OMD: variants seen among roughly 807,000 people sequenced by gnomAD.
OMD encodes KSPG osteomodulin.
OMD carries 19 observed loss-of-function variants against 31.2 expected under a neutral mutation model. The observed-to-expected ratio is 0.61, with a 90% CI of 0.42 to 0.89. OMD has a LOEUF of 0.89. Among genes scored for constraint, OMD ranks in the 40% least tolerant of loss-of-function variants. OMD has a pLI of 0.00. For missense variants in OMD, 448 were observed against 490.8 expected, an observed-to-expected ratio of 0.91 and a Z score of 0.82; for synonymous variants, 155 against 166.4, an observed-to-expected ratio of 0.93 and a Z score of 0.53.
chr9:92,420,699 A>G (rs531151884), intron 1 of OMD, among the ~76,000 whole-genome samples: 9 of 151,608 alleles, frequency 5.9e-5, no homozygotes, highest in Non-Finnish European at 1.3e-4. Flanking sequence ...CTATTTTCTT[A>G]TATGTATCCC....
chr9:92,417,331 C>T lies in OMD; in HGVS notation c.228G>A (p.Met76Ile). 1.2e-6 allele frequency: 2 copies of T among 1,614,014 alleles called. No individual in the cohort carries two copies. Among genetic ancestry groups the T allele is most frequent in the Non-Finnish European group, 1.7e-6 (2 of 1,179,944 alleles). The change falls in exon 2 of 3, where the codon ATG becomes ATA. Residue 76 changes from methionine to isoleucine, a missense_variant. Met to Ile is a conservative substitution (Grantham distance 10). Transcript: ENST00000375550. The stretch of plus-strand genomic sequence containing the variant: ...TCTTGAGTTTGCGATTATCACAGTA[C>T]ATTGATGATGGAAAGTTAGTTGGAC... ...CFCPTNFPSS[M>I]YCDNRKLKTI...
At position 92,420,825 on chromosome 9, in the gene OMD, A is replaced by ATCCG. The variant is rs1273348493; in HGVS notation, c.-16-3252_-16-3251insCGGA. 9.8e-3 allele frequency among the ~76,000 whole-genome samples: 1,485 copies of ATCCG among 151,632 alleles called. 13 individuals carry two copies. The highest frequency in any genetic ancestry group is 0.017 in the Non-Finnish European group (1,126 of 67,890). The stretch of plus-strand genomic sequence containing the variant: ...CTTTGTGCAACTCTATATTACATCC[A>ATCCG]TTTTTCTTTCTTTTCTGTGAGATTC... On this transcript the variant is annotated intron_variant, in intron 1 of 2. Transcript: ENST00000375550.
rs374680906 is a variant in OMD at position 92,416,995 on chromosome 9, C to G, written c.564G>C (p.Leu188Phe). 1.4e-5 allele frequency: 22 copies of G among 1,613,940 alleles called. No individual in the cohort carries two copies. The East Asian group carries it at 4.7e-4, about 34-fold the overall frequency. Reference protein sequence around the residue: ...QTNAMDGLVNLTMLDLCYNYL... With the variant: ...QTNAMDGLVNFTMLDLCYNYL... Reference sequence around the variant, plus strand: ...AATTATAACAGAGATCAAGCATGGTCAAGTTTACTAGCCCATCCATAGCAT... The same window carrying G: ...AATTATAACAGAGATCAAGCATGGTGAAGTTTACTAGCCCATCCATAGCAT... Residue 188 changes from leucine to phenylalanine, a missense_variant, in exon 2 of 3, where the codon TTG becomes TTC. Coordinates refer to ENST00000375550, the MANE Select transcript of OMD (RefSeq NM_005014.3).
chr9:92,420,382 A>G (rs1255047899), intron 1 of OMD, among the ~76,000 whole-genome samples: 3 of 152,076 alleles, frequency 2.0e-5, no homozygotes, highest in African/African-American at 7.2e-5. Context: ...GGCTCCTTCA[A>G]TCTGCCAAAC....
chr9:92,415,414 A>C lies in OMD; in HGVS notation c.1004T>G (p.Ile335Ser), dbSNP rs780663138. 6.2e-7 allele frequency: 1 copy of C among 1,613,646 alleles called. No individual in the cohort carries two copies. ...TTTTAGTTTATTTTGGTCCACACGA[A>C]TGTATGTTAAATGGTGGTAATGTAG... is the stretch of plus-strand genomic sequence containing the variant. ...DPLHYHHLTY[I>S]RVDQNKLKEP... The change falls in exon 3 of 3, where the codon ATT (isoleucine) becomes AGT (serine). Residue 335 changes from isoleucine (I) to serine (S), a missense_variant. Physicochemically the swap from Ile to Ser is moderately radical, Grantham distance 142. Transcript: ENST00000375550.
chr9:92,413,514 G>C lies in OMD; in HGVS notation c.*1638C>G, dbSNP rs1248589170. On this transcript the variant is annotated 3_prime_UTR_variant, in exon 3 of 3. Transcript: ENST00000375550. ...TTTAAATTGCTCTAGGTTAGGAATT[G>C]TCTTATCTTTGTTTTCTAAAACACC... Among the ~76,000 whole-genome samples, 1 of 152,094 alleles carries C rather than the reference G, an allele frequency of 6.6e-6. No individual in the cohort carries two copies. Among genetic ancestry groups the C allele is most frequent in the Non-Finnish European group, 1.5e-5 (1 of 68,008 alleles).
chr9:92,415,393 A>G lies in OMD; in HGVS notation c.1025T>C (p.Leu342Pro). 6.2e-7 allele frequency: 1 copy of G among 1,613,584 alleles called. No homozygotes were observed. Among genetic ancestry groups the G allele is most frequent in the Admixed American group, 1.7e-5 (1 of 59,986 alleles). The change falls in exon 3 of 3, where the codon CTA (leucine) becomes CCA (proline). Residue 342 changes from leucine (L) to proline (P), a missense_variant. Leu to Pro is a moderately conservative substitution (Grantham distance 98). Transcript: ENST00000375550. The part of the protein sequence containing the change: ...LTYIRVDQNK[L>P]KEPISSYIFF... ...GATGTATGAGCTTATTGGTTCTTTTAGTTTATTTTGGTCCACACGAATGTA... is the reference window on the plus strand; with the variant it reads ...GATGTATGAGCTTATTGGTTCTTTTGGTTTATTTTGGTCCACACGAATGTA...
rs1843512431 is a variant in OMD, at chr9:92,413,897, T to C, written c.*1255A>G. ...TAAAGACTTCACTTTAAACTGGTATTTCCAGAAAAAAAGACTTGCAAGCTT... is the reference window on the plus strand; with the variant it reads ...TAAAGACTTCACTTTAAACTGGTATCTCCAGAAAAAAAGACTTGCAAGCTT... On this transcript the variant is annotated 3_prime_UTR_variant, in exon 3 of 3. Transcript: ENST00000375550. Among the ~76,000 whole-genome samples, 1 of 152,196 alleles carries C rather than the reference T, an allele frequency of 6.6e-6. No individual in the cohort carries two copies. The highest frequency in any genetic ancestry group is 1.5e-5 in the Non-Finnish European group (1 of 68,032).
chr9:92,422,046 C>G (rs1843816099), intron 1 of OMD, among the ~76,000 whole-genome samples: 1 of 151,520 alleles, frequency 6.6e-6, no homozygotes, highest in Non-Finnish European at 1.5e-5. Context: ...TATAGTATAA[C>G]ATATTAACTT....
Position 92,415,106 on chromosome 9 carries a change from G to A in OMD, c.*46C>T. On this transcript the variant is annotated 3_prime_UTR_variant, in exon 3 of 3. Transcript: ENST00000375550. Reference sequence around the variant, plus strand: ...TGTTTACTTAGATTTACTATATTAAGTATAGGTTTTGTGAAGTCGTAAGTG... The same window carrying A: ...TGTTTACTTAGATTTACTATATTAAATATAGGTTTTGTGAAGTCGTAAGTG... 2 of 1,362,428 alleles carry A rather than the reference G, an allele frequency of 1.5e-6. No homozygotes were observed. Among genetic ancestry groups the A allele is most frequent in the African/African-American group, 1.5e-5 (1 of 68,604 alleles). The allele number at this position is 1,362,428 out of a possible 1,614,324, so 84.4% of individuals were successfully genotyped here. A position where few individuals can be genotyped will look rare whatever the true frequency, so the allele number is the denominator to read the frequency against.
chr9:92,414,521 A>T lies in OMD; in HGVS notation c.*631T>A, dbSNP rs1843530482. 1 of 209,700 alleles carries T rather than the reference A, an allele frequency of 4.8e-6. No homozygotes were observed. The highest frequency in any genetic ancestry group is 2.3e-5 in the African/African-American group (1 of 44,022). 13.0% of individuals were successfully genotyped at this position (209,700 alleles called of 1,614,324 possible). A position where few individuals can be genotyped will look rare whatever the true frequency, so the allele number is the denominator to read the frequency against. On this transcript the variant is annotated 3_prime_UTR_variant, in exon 3 of 3. Coordinates refer to ENST00000375550, the MANE Select transcript of OMD (RefSeq NM_005014.3). ...GTTGTTTTGGTATTCTGAGGCAAAA[A>T]GATTAGTTAATTTTGTGAATCTGTA...
chr9:92,420,303 C>A (rs1026498365), intron 1 of OMD, among the ~76,000 whole-genome samples: 1 of 152,156 alleles, frequency 6.6e-6, no homozygotes, highest in African/African-American at 2.4e-5. Context: ...ATTGTCAGTT[C>A]CTTCTTACCA....
rs1402478250 is a variant in OMD, at chr9:92,414,935, G to A, written c.*217C>T. The stretch of plus-strand genomic sequence containing the variant: ...AACGTTTAATTTATGATTCCCACTT[G>A]TCATTCTAATTTATATTTTTAAAGA... On this transcript the variant is annotated 3_prime_UTR_variant, in exon 3 of 3. Transcript: ENST00000375550. 2 of 349,586 alleles carry A rather than the reference G, an allele frequency of 5.7e-6. No homozygotes were observed. The highest frequency in any genetic ancestry group is 1.0e-5 in the Non-Finnish European group (2 of 196,700). The allele number at this position is 349,586 out of a possible 1,614,324, so 21.7% of individuals were successfully genotyped here.
chr9:92,416,084 T>A (rs937344736), intron 2 of OMD, among the ~76,000 whole-genome samples: 3,987 of 136,626 alleles, frequency 0.029, 107 homozygotes, highest in South Asian at 0.089. Context: ...ATTTATTTAT[T>A]TATTTATTTA....
intron 1 of OMD, among the ~76,000 whole-genome samples, chr9:92,420,012 G>A (rs1291528205): frequency 6.6e-6 from 1 of 152,022 alleles, no homozygotes; most frequent in Non-Finnish European, 1.5e-5. Flanking sequence ...TGTGTATTTG[G>A]AATTTGAAGT....
At position 92,413,840 on chromosome 9, in the gene OMD, T is replaced by A. The variant is rs1319362586; in HGVS notation, c.*1312A>T. On this transcript the variant is annotated 3_prime_UTR_variant, in exon 3 of 3. Transcript: ENST00000375550. ...CAGGTGGGCGTTCTGGTTCTGATAA[T>A]GCTAATAATTCCTCAAAGATGTAAA... is the stretch of plus-strand genomic sequence containing the variant. 6.6e-6 allele frequency among the ~76,000 whole-genome samples: 1 copy of A among 152,354 alleles called. No homozygotes were observed. Among genetic ancestry groups the A allele is most frequent in the East Asian group, 1.9e-4 (1 of 5,192 alleles).
chr9:92,412,799 T>C lies in OMD; in HGVS notation c.*2353A>G, dbSNP rs1843480109. On this transcript the variant is annotated 3_prime_UTR_variant, in exon 3 of 3. Transcript: ENST00000375550. ...TACCTTTGGATATGGCTGAATAATA[T>C]TCCATGAAATGGATATACCACATTT... is the stretch of plus-strand genomic sequence containing the variant. Among the ~76,000 whole-genome samples the C allele has an allele frequency of 6.6e-6, 1 of 152,180 alleles. No homozygotes were observed. The highest frequency in any genetic ancestry group is 2.4e-5 in the African/African-American group (1 of 41,450).
At chr9:92,419,352 G>A (rs1843716395) in intron 1 of OMD, among the ~76,000 whole-genome samples, 1 of 145,920 alleles carries the variant, frequency 6.9e-6, no homozygotes, top group Non-Finnish European at 1.5e-5. Flanking sequence ...CCAGACTGGA[G>A]TGCAGTGGTG....
intron 1 of OMD, among the ~76,000 whole-genome samples, chr9:92,418,352 G>T (rs1843684006): frequency 6.6e-6 from 1 of 151,254 alleles, no homozygotes; most frequent in African/African-American, 2.4e-5. Flanking sequence ...CTCTCAAAGT[G>T]CTGGGATTAC....
Sources: allele counts gnomAD v4.1 joint callset (sites outside exome capture counted in the v4.1 genomes callset), GRCh38; gene constraint gnomAD v4.1.1; transcripts MANE v1.5; gene names NCBI Gene and HGNC (gene_info 2026-07-23, HGNC 2026-07-21).